Variants in TRHDE observed in about 807,000 individuals in gnomAD.
The protein encoded by TRHDE is thyrotropin-releasing hormone-degrading ectoenzyme.
A neutral mutation model predicts 125.7 loss-of-function variants in TRHDE; 72 were observed. That is an observed-to-expected ratio of 0.57 (90% CI 0.47 to 0.70). The LOEUF is 0.70. Among genes scored for constraint, TRHDE ranks in the 30% least tolerant of loss-of-function variants. The probability of loss-of-function intolerance (pLI) is 0.00; values close to 1 mark genes in which losing one functional copy is unlikely to be tolerated. For missense variants in TRHDE, 1,110 were observed against 1,327.1 expected (o/e 0.84, Z 2.54); for synonymous variants, 509 against 509.1 (o/e 1.00, Z 0.00).
upstream of TRHDE, among the ~76,000 whole-genome samples, chr12:72,269,507 G>GT (rs1411035936): frequency 6.6e-6 from 1 of 152,118 alleles, no homozygotes; most frequent in Admixed American, 6.6e-5. Flanking sequence ...GACTTTCCTT[G>GT]TAGTAATTTT....
chr12:72,389,802 T>TG lies in TRHDE; in HGVS notation c.1315+11682dup, dbSNP rs1190513228. ...AGTACATAGCAGGCAAGGTCTGGTG[T>TG]GACTTACATTTTTAAAGAATCACAT... On this transcript the variant is annotated intron_variant, in intron 3 of 18. Transcript: ENST00000261180. Among the ~76,000 whole-genome samples the TG allele has an allele frequency of 2.4e-3, 362 of 152,254 alleles. 1 individual carries two copies. Among genetic ancestry groups the TG allele is most frequent in the African/African-American group, 7.9e-3 (328 of 41,548 alleles).
chr12:72,343,034 A>T (rs939452352), intron 2 of TRHDE, among the ~76,000 whole-genome samples: 7 of 152,126 alleles, frequency 4.6e-5, no homozygotes, highest in Non-Finnish European at 8.8e-5. Context: ...AGGTTATATA[A>T]CTTGCACAAG....
At chr12:72,568,879 G>A (rs969430074) in intron 10 of TRHDE, among the ~76,000 whole-genome samples, 2 of 152,036 alleles carry the variant, frequency 1.3e-5, no homozygotes, top group Admixed American at 1.3e-4. Flanking sequence ...ATGGTAAAGA[G>A]AAAACTTAAA....
At chr12:72,422,560 T>C (rs1874003890) in intron 3 of TRHDE, among the ~76,000 whole-genome samples, 2 of 152,344 alleles carry the variant, frequency 1.3e-5, no homozygotes, top group Middle Eastern at 3.4e-3. Context: ...TTCAATATTA[T>C]ATCTTTAAAG....
intron 2 of TRHDE, among the ~76,000 whole-genome samples, chr12:72,233,305 G>A (rs959896609): frequency 7.2e-5 from 11 of 152,224 alleles, no homozygotes; most frequent in African/African-American, 2.6e-4. Context: ...TGGAATAAAA[G>A]GTATCAAGAA....
rs536080563 is a variant in TRHDE at position 72,337,049 on chromosome 12, T to C, written c.1189-40946T>C. Reference sequence around the variant, plus strand: ...GTATTTTAAGGAAATTGCCAGGTGATTTGTATGCATTTTAATTGAGAAGCC... The same window carrying C: ...GTATTTTAAGGAAATTGCCAGGTGACTTGTATGCATTTTAATTGAGAAGCC... On this transcript the variant is annotated intron_variant, in intron 2 of 18. Coordinates refer to ENST00000261180, the MANE Select transcript of TRHDE (RefSeq NM_013381.3). 9.8e-5 allele frequency among the ~76,000 whole-genome samples: 15 copies of C among 152,312 alleles called. No individual in the cohort carries two copies. In the South Asian group the frequency reaches 3.1e-3, roughly 32 times the overall value.
At chr12:72,373,634 A>C (rs557407945) in intron 2 of TRHDE, among the ~76,000 whole-genome samples, 1 of 152,188 alleles carries the variant, frequency 6.6e-6, no homozygotes, top group Admixed American at 6.5e-5. Context: ...AAGGAGATAG[A>C]TGGTCCTGGG....
intron 2 of TRHDE, among the ~76,000 whole-genome samples, chr12:72,161,107 C>A (rs2139328493): frequency 6.6e-6 from 1 of 152,154 alleles, no homozygotes; most frequent in South Asian, 2.1e-4. Context: ...TAGACTTTGC[C>A]ACTAATAGTA....
chr12:72,525,117 A>T (rs1460218682), intron 6 of TRHDE, among the ~76,000 whole-genome samples: 1 of 152,176 alleles, frequency 6.6e-6, no homozygotes, highest in Non-Finnish European at 1.5e-5. Flanking sequence ...GAGTTTCTGA[A>T]TTAGATGAAC....
At chr12:72,110,253 T>C (rs1305796938) in intron 2 of TRHDE, among the ~76,000 whole-genome samples, 1 of 152,034 alleles carries the variant, frequency 6.6e-6, no homozygotes, top group Non-Finnish European at 1.5e-5. Flanking sequence ...CCAAGCGAGG[T>C]CATGTATATT....
chr12:72,638,409 A>G (rs1263341507), intron 15 of TRHDE, among the ~76,000 whole-genome samples: 1 of 151,918 alleles, frequency 6.6e-6, no homozygotes, highest in Non-Finnish European at 1.5e-5. Context: ...TCTGCACGTG[A>G]GATGGGTTTC....
At chr12:72,177,111 G>A (rs958332896) in intron 2 of TRHDE, among the ~76,000 whole-genome samples, 1 of 151,838 alleles carries the variant, frequency 6.6e-6, no homozygotes, top group Non-Finnish European at 1.5e-5. Flanking sequence ...ATGTGTCGGA[G>A]CATCACCAAA....
rs375097223 is a variant in TRHDE, at chr12:72,478,990, C to T, written c.1584+5810C>T. Among the ~76,000 whole-genome samples, 27 of 140,774 alleles carry T rather than the reference C, an allele frequency of 1.9e-4. 1 individual carries two copies. Among genetic ancestry groups the T allele is most frequent in the East Asian group, 8.8e-4 (4 of 4,534 alleles). 92.4% of individuals were successfully genotyped at this position (140,774 alleles called of 152,430 possible). ...TTACCTGTTACACTAACAGGTTAAA[C>T]TAGCTTTCACTGAGGCTAATGCAAT... On this transcript the variant is annotated intron_variant, in intron 5 of 18. Coordinates refer to ENST00000261180, the MANE Select transcript of TRHDE (RefSeq NM_013381.3).
At chr12:72,361,665 A>T (rs1871090940) in intron 2 of TRHDE, among the ~76,000 whole-genome samples, 1 of 148,680 alleles carries the variant, frequency 6.7e-6, no homozygotes, top group Non-Finnish European at 1.5e-5. Flanking sequence ...GCACCCATTA[A>T]CTCGTCATTT....
At chr12:72,097,255 T>C (rs1268543801) in intron 1 of TRHDE, among the ~76,000 whole-genome samples, 1 of 152,110 alleles carries the variant, frequency 6.6e-6, no homozygotes, top group Non-Finnish European at 1.5e-5. Flanking sequence ...AGAAGCTCAG[T>C]CTTCAACAGT....
At chr12:72,249,907 A>G (rs1480766439) in intron 2 of TRHDE, among the ~76,000 whole-genome samples, 1 of 152,204 alleles carries the variant, frequency 6.6e-6, no homozygotes, top group Admixed American at 6.5e-5. Context: ...ATCCAAGAAC[A>G]GGTAAATGAA....
intron 3 of TRHDE, among the ~76,000 whole-genome samples, chr12:72,420,306 CT>C (rs1477267272): frequency 6.6e-6 from 1 of 152,098 alleles, no homozygotes; most frequent in African/African-American, 2.4e-5. Flanking sequence ...ATTCTTAATT[CT>C]TTATCTTAGC....
chr12:72,116,381 T>C (rs1353914434), intron 2 of TRHDE, among the ~76,000 whole-genome samples: 1 of 152,192 alleles, frequency 6.6e-6, no homozygotes, highest in African/African-American at 2.4e-5. Flanking sequence ...TACACAGTAA[T>C]GGGATTGCTG....
Position 72,667,434 on chromosome 12 carries a change from T to G in TRHDE, c.*4239T>G, listed in dbSNP as rs1875149314. On this transcript the variant is annotated 3_prime_UTR_variant, in exon 19 of 19. Coordinates refer to ENST00000261180, the MANE Select transcript of TRHDE (RefSeq NM_013381.3). Reference sequence around the variant, plus strand: ...AAGAATATATATTGTATAGATACAATATATAACTATACTTAAAGAAATATT... The same window carrying G: ...AAGAATATATATTGTATAGATACAAGATATAACTATACTTAAAGAAATATT... The G allele has an allele frequency of 6.6e-6, 1 of 151,716 alleles. No individual in the cohort carries two copies. The highest frequency in any genetic ancestry group is 2.4e-5 in the African/African-American group (1 of 41,404). 9.4% of individuals were successfully genotyped at this position (151,716 alleles called of 1,614,324 possible). A position where few individuals can be genotyped will look rare whatever the true frequency, so the allele number is the denominator to read the frequency against.
Sources: gnomAD v4.1 joint callset for allele counts (sites outside exome capture counted in the v4.1 genomes callset) on GRCh38, gnomAD v4.1.1 for gene constraint, MANE v1.5 for transcripts, NCBI Gene and HGNC (gene_info 2026-07-23, HGNC 2026-07-21) for gene names.